Variants in ZNF24 observed in about 807,000 individuals in gnomAD.
ZNF24 encodes the protein retinoic acid suppression protein A.
A neutral mutation model predicts 40.9 loss-of-function variants in ZNF24; 11 were observed. That is an observed-to-expected ratio of 0.27 (90% CI 0.17 to 0.45). The LOEUF (loss-of-function observed/expected upper bound fraction) is 0.45. Ranked by LOEUF, ZNF24 falls within the 20% of genes least tolerant of loss-of-function variation. ZNF24 has a pLI of 1.00. For synonymous variants in ZNF24, 139 were observed against 154.7 expected (o/e 0.90, Z 0.75); for missense variants, 293 against 437.7 (o/e 0.67, Z 2.95).
chr18:35,344,173 C>T (rs1476561511), intron 1 of ZNF24, among the ~76,000 whole-genome samples, 187 bp downstream of exon 1: 2 of 152,164 alleles, frequency 1.3e-5, no homozygotes, highest in African/African-American at 2.4e-5. Context: ...ATGCCGAAGA[C>T]CCAAGCAGGC....
intron 3 of ZNF24, chr18:35,339,008 A>C: frequency 1.3e-6 from 2 of 1,535,810 alleles, no homozygotes; most frequent in Non-Finnish European, 1.7e-6. Flanking sequence ...AGATGTGAAG[A>C]AAACCTGCTC....
chr18:35,339,128 A>G (rs1333500192), intron 3 of ZNF24: 12 of 1,329,552 alleles, frequency 9.0e-6, no homozygotes, highest in Non-Finnish European at 1.3e-5. Flanking sequence ...TGAGAAAGCA[A>G]TCTAGCAGTT....
At position 35,340,410 on chromosome 18, in the gene ZNF24, G is replaced by C; in HGVS notation, c.241C>G (p.Leu81Val). 6.2e-7 allele frequency: 1 copy of C among 1,614,248 alleles called. No individual in the cohort carries two copies. The highest frequency in any genetic ancestry group is 8.5e-7 in the Non-Finnish European group (1 of 1,180,050). ...SQLRELCRLW[L>V]RPETHTKEQI... ...TCTTTTGTGTGCGTCTCTGGCCTGA[G>C]CCACAGACGGCAAAGTTCTCGGAGC... The change falls in exon 2 of 4, where the codon CTC becomes GTC. Residue 81 changes from leucine to valine, a missense_variant. This residue lies in a region of ZNF24 where 234 missense variants were observed against 299.2 expected (regional missense o/e 0.78). Coordinates refer to ENST00000261332, the MANE Select transcript of ZNF24 (RefSeq NM_006965.4). This position sits in a 1 kb window ranked among gnomAD's most constrained non-coding sequence, Gnocchi z 4.6.
rs1277705948 is a variant in ZNF24, at chr18:35,333,700, C to A, written c.*3532G>T. 2 of 152,122 alleles carry A rather than the reference C, an allele frequency of 1.3e-5. No homozygotes were observed. The highest frequency in any genetic ancestry group is 1.5e-5 in the Non-Finnish European group (1 of 68,014). 9.4% of individuals were successfully genotyped at this position (152,122 alleles called of 1,614,324 possible). Reference sequence around the variant, plus strand: ...TGATGGAGTTGTAAATTGGTGAAATCTTTTTGGTAGTAGTTTTCAAAACTG... The same window carrying A: ...TGATGGAGTTGTAAATTGGTGAAATATTTTTGGTAGTAGTTTTCAAAACTG... On this transcript the variant is annotated 3_prime_UTR_variant, in exon 4 of 4. Transcript: ENST00000261332.
chr18:35,341,716 T>C (rs1331927036), intron 1 of ZNF24, among the ~76,000 whole-genome samples: 1 of 151,838 alleles, frequency 6.6e-6, no homozygotes, highest in East Asian at 1.9e-4. Flanking sequence ...ACAAAAACAG[T>C]TCCAAAAGAA....
Position 35,339,900 on chromosome 18 carries a change from C to G in ZNF24, c.497G>C (p.Ser166Thr), listed in dbSNP as rs1189132216. 1 of 1,613,532 alleles carries G rather than the reference C, an allele frequency of 6.2e-7. No individual in the cohort carries two copies. Among genetic ancestry groups the G allele is most frequent in the Admixed American group, 1.7e-5 (1 of 60,008 alleles). The change falls in exon 3 of 4, where the codon AGT becomes ACT. Residue 166 changes from serine (S) to threonine (T), a missense_variant. Ser to Thr is a moderately conservative substitution (Grantham distance 58, BLOSUM62 1). This residue lies in a region of ZNF24 where 234 missense variants were observed against 299.2 expected (regional missense o/e 0.78). Coordinates refer to ENST00000261332, the MANE Select transcript of ZNF24 (RefSeq NM_006965.4). ...VSQEEAQGLP[S>T]SELDAVENQL... ...GTTCTCCACAGCATCAAGCTCAGAA[C>G]TTGGTAATCCCTGAGCTTCTTCTTG... is the stretch of plus-strand genomic sequence containing the variant.
intron 1 of ZNF24, among the ~76,000 whole-genome samples, chr18:35,342,248 A>C (rs1459795306): frequency 6.6e-6 from 1 of 152,198 alleles, no homozygotes; most frequent in Non-Finnish European, 1.5e-5. Flanking sequence ...ATATTTGTAC[A>C]GCTGTACAAT....
At chr18:35,343,753 G>A (rs2044990394) in intron 1 of ZNF24, 1 of 152,334 alleles carries the variant, frequency 6.6e-6, no homozygotes, top group African/African-American at 2.4e-5. Flanking sequence ...CCGCTTGTGG[G>A]AAATGGAGGG....
Position 35,339,963 on chromosome 18 carries a change from C to T in ZNF24, c.434G>A (p.Arg145Gln), listed in dbSNP as rs781423777. 7 of 1,608,472 alleles carry T rather than the reference C, an allele frequency of 4.4e-6. No homozygotes were observed. The highest frequency in any genetic ancestry group is 1.7e-5 in the Admixed American group (1 of 59,720). The change falls in exon 3 of 4, where the codon CGA (arginine) becomes CAA (glutamine). Residue 145 changes from arginine to glutamine, a missense_variant. By Grantham distance (43) the Arg-to-Gln change is conservative. Around this residue, in one of 2 missense-constraint regions of ZNF24, gnomAD observed 234 missense variants for 299.2 expected, o/e 0.78. Transcript: ENST00000261332. ...DDPGQPVSLRRRKREVLVEDM... is the reference protein window; with the variant it reads ...DDPGQPVSLRQRKREVLVEDM... Reference sequence around the variant, plus strand: ...TTCTACTAGTACTTCCCGTTTTCGTCGACGGAGAGAAACCTGGAAACAGAA... The same window carrying T: ...TTCTACTAGTACTTCCCGTTTTCGTTGACGGAGAGAAACCTGGAAACAGAA...
At position 35,336,103 on chromosome 18, in the gene ZNF24, A is replaced by C. The variant is rs2044905864; in HGVS notation, c.*1129T>G. 2.0e-5 allele frequency: 3 copies of C among 152,638 alleles called. No individual in the cohort carries two copies. The South Asian group carries it at 6.2e-4, about 32-fold the overall frequency. 9.5% of individuals were successfully genotyped at this position (152,638 alleles called of 1,614,324 possible). On this transcript the variant is annotated 3_prime_UTR_variant, in exon 4 of 4. Transcript: ENST00000261332. ...CAAGGGGAAGAGGCTAACTCACATA[A>C]AACAGCAAACCCCTATGATTTACAG...
At chr18:35,338,548 T>A in intron 3 of ZNF24, 1 of 986,238 alleles carries the variant, frequency 1.0e-6, no homozygotes, top group Non-Finnish European at 1.2e-6. Flanking sequence ...ATTTAAGACT[T>A]TTCTAAAACT....
At chr18:35,342,923 C>CA (rs1453883138) in intron 1 of ZNF24, among the ~76,000 whole-genome samples, 2 of 152,188 alleles carry the variant, frequency 1.3e-5, no homozygotes, top group Non-Finnish European at 2.9e-5. Flanking sequence ...AAGTAAGAAC[C>CA]AGACTACTTC....
In ZNF24 at chr18:35,340,855, C is replaced by T. The variant is rs1012663428; in HGVS notation, c.-83-122G>A. The T allele has an allele frequency of 1.8e-6, 1 of 549,990 alleles. No homozygotes were observed. 34.1% of individuals were successfully genotyped at this position (549,990 alleles called of 1,614,324 possible). ...TAAAAATTCCAATCAATAACCTACA[C>T]CAGGAATTGGCAAACTACAGCTTCA... is the stretch of plus-strand genomic sequence containing the variant. On this transcript the variant is annotated intron_variant, in intron 1 of 3. Coordinates refer to ENST00000261332, the MANE Select transcript of ZNF24 (RefSeq NM_006965.4). The surrounding 1 kb of genome is among the most constrained non-coding windows in gnomAD (Gnocchi z 4.6).
Position 35,337,133 on chromosome 18 carries a change from T to C in ZNF24, c.*99A>G, listed in dbSNP as rs371232278. Reference sequence around the variant, plus strand: ...TCCCAGTGGATTTTCTGACAGTCAATAGGGAAAAAACTATTCTGCATCATT... The same window carrying C: ...TCCCAGTGGATTTTCTGACAGTCAACAGGGAAAAAACTATTCTGCATCATT... On this transcript the variant is annotated 3_prime_UTR_variant, in exon 4 of 4. Coordinates refer to ENST00000261332, the MANE Select transcript of ZNF24 (RefSeq NM_006965.4). 35 of 977,486 alleles carry C rather than the reference T, an allele frequency of 3.6e-5. 1 individual carries two copies. The highest frequency in any genetic ancestry group is 9.9e-5 in the South Asian group (3 of 30,168). The allele number at this position is 977,486 out of a possible 1,614,324, so 60.6% of individuals were successfully genotyped here. A position where few individuals can be genotyped will look rare whatever the true frequency, so the allele number is the denominator to read the frequency against.
chr18:35,338,425 T>A, intron 3 of ZNF24: 1 of 985,408 alleles, frequency 1.0e-6, no homozygotes. Flanking sequence ...TCATGGTACT[T>A]AGAAAAATCG....
intron 1 of ZNF24, among the ~76,000 whole-genome samples, chr18:35,341,443 T>C (rs139685332): frequency 4.4e-4 from 67 of 152,376 alleles, no homozygotes; most frequent in African/African-American, 1.5e-3. Flanking sequence ...TACTGGTTTA[T>C]GTATTTACTA....
rs774013885 is a variant in ZNF24, at chr18:35,340,627, T to A, written c.24A>T (p.Glu8Asp). The change falls in exon 2 of 4, where the codon GAA becomes GAT. Residue 8 changes from glutamate to aspartate, a missense_variant. Glu to Asp is a conservative substitution (Grantham distance 45). Transcript: ENST00000261332. The surrounding 1 kb of genome is among the most constrained non-coding windows in gnomAD (Gnocchi z 4.6). MSAQSVE[E>D]DSILIIPTPD... ...GAGTTGGGATGATAAGTATTGAATC[T>A]TCTTCCACTGACTGTGCAGACATTC... 5 of 1,613,704 alleles carry A rather than the reference T, an allele frequency of 3.1e-6. No homozygotes were observed. The Admixed American group carries it at 8.3e-5, about 27-fold the overall frequency.
intron 1 of ZNF24, chr18:35,342,408 C>G (rs2044977856): frequency 6.6e-6 from 1 of 152,078 alleles, no homozygotes; most frequent in South Asian, 2.1e-4. Flanking sequence ...CCTAAGTGTT[C>G]AGTGTTTATA....
Position 35,340,167 on chromosome 18 carries a change from C to T in ZNF24, c.420+64G>A, listed in dbSNP as rs1021283932. 4.6e-5 allele frequency: 71 copies of T among 1,557,848 alleles called. No homozygotes were observed. The highest frequency in any genetic ancestry group is 5.5e-5 in the Non-Finnish European group (63 of 1,146,356). On this transcript the variant is annotated intron_variant, in intron 2 of 3. Coordinates refer to ENST00000261332, the MANE Select transcript of ZNF24 (RefSeq NM_006965.4). This position sits in a 1 kb window ranked among gnomAD's most constrained non-coding sequence, Gnocchi z 4.6. ...CTAACTTAGTTGAGTGGAATTAATT[C>T]AGCAGCTTTGCCTACTACCTATGCC...
Sources: gnomAD v4.1 joint callset for allele counts (sites outside exome capture counted in the v4.1 genomes callset) on GRCh38, gnomAD v4.1.1 for gene constraint, gnomAD v4.1.1 regional missense constraint, Gnocchi (gnomAD v3.1) non-coding constraint, MANE v1.5 for transcripts, NCBI Gene and HGNC (gene_info 2026-07-23, HGNC 2026-07-21) for gene names.